The following ARIH2 variants were observed in gnomAD, a reference collection of about 807,000 sequenced individuals.
ARIH2 encodes ariadne RBR E3 ubiquitin protein ligase 2, also known as E3 ubiquitin-protein ligase ARIH2.
In ARIH2, 12 loss-of-function variants were observed where a neutral mutation model predicts 79.8. The ratio of observed to expected loss-of-function variants is 0.15; its 90% CI spans 0.10 to 0.24. The LOEUF (loss-of-function observed/expected upper bound fraction) is 0.24. Among genes scored for constraint, ARIH2 ranks in the 10% least tolerant of loss-of-function variants. The pLI is 1.00. For missense variants in ARIH2, 301 were observed against 618.3 expected (o/e 0.49, Z 5.44); for synonymous variants, 224 against 213.9 (o/e 1.05, Z -0.41).
chr3:48,983,260 ATGACACCTAAGT>A lies in ARIH2; in HGVS notation c.1475_*4del. On this transcript the variant is annotated stop_lost and 3_prime_UTR_variant, in exon 16 of 16. Coordinates refer to ENST00000356401, the MANE Select transcript of ARIH2 (RefSeq NM_006321.4). ...AGGAGAACCCTGCTGAAAGATTTCC[ATGACACCTAAGT>A]TGGGATGTGGATGTGCCGGGGTGAG... The A allele has an allele frequency of 6.2e-7, 1 of 1,614,174 alleles. No homozygotes were observed. The highest frequency in any genetic ancestry group is 2.2e-5 in the East Asian group (1 of 44,888).
intron 3 of ARIH2, among the ~76,000 whole-genome samples, chr3:48,935,204 C>G (rs2086943950): frequency 6.6e-6 from 1 of 152,198 alleles, no homozygotes; most frequent in Non-Finnish European, 1.5e-5. Flanking sequence ...TGTTATGTTC[C>G]TGTGCCAGGC....
intron 3 of ARIH2, among the ~76,000 whole-genome samples, chr3:48,953,551 C>G (rs1208173873): frequency 6.6e-6 from 1 of 151,990 alleles, no homozygotes; most frequent in Non-Finnish European, 1.5e-5. Context: ...CTACAGGTGC[C>G]TCACAACGCC....
In ARIH2 at chr3:48,967,293, C is replaced by T; in HGVS notation, c.538+18C>T. 1 of 1,609,050 alleles carries T rather than the reference C, an allele frequency of 6.2e-7. No individual in the cohort carries two copies. The highest frequency in any genetic ancestry group is 8.5e-7 in the Non-Finnish European group (1 of 1,177,108). On this transcript the variant is annotated intron_variant, in intron 6 of 15. Transcript: ENST00000356401. ...GGGCGTGGGTGAGTCTGCCACAAAA[C>T]TTATAAAAAGCTGGCATGAAGTGTT... is the stretch of plus-strand genomic sequence containing the variant.
At chr3:48,980,218 T>A in intron 12 of ARIH2, 135 bp from the exon 13 acceptor site, 1 of 862,222 alleles carries the variant, frequency 1.2e-6, no homozygotes, top group Non-Finnish European at 1.8e-6. Context: ...GAAGACCTGC[T>A]CTTGCACTTT....
At chr3:48,976,664 A>G (rs1190184004) in intron 11 of ARIH2, among the ~76,000 whole-genome samples, 1 of 152,192 alleles carries the variant, frequency 6.6e-6, no homozygotes, top group Non-Finnish European at 1.5e-5. Flanking sequence ...TATCAGAGAG[A>G]GAAGTGTATC....
At chr3:48,975,922 A>G (rs1310330835) in intron 11 of ARIH2, among the ~76,000 whole-genome samples, 1 of 132,616 alleles carries the variant, frequency 7.5e-6, no homozygotes, top group East Asian at 2.3e-4. Flanking sequence ...TCTTTTCTTT[A>G]TTTTTTGAGA....
At chr3:48,974,245 C>G (rs1348927819) in intron 9 of ARIH2, among the ~76,000 whole-genome samples, 1 of 152,142 alleles carries the variant, frequency 6.6e-6, no homozygotes, top group East Asian at 1.9e-4. Flanking sequence ...GGCCACTGTA[C>G]CCTTTGTCAG....
chr3:48,973,855 T>C (rs762929778), intron 9 of ARIH2, 39 bp downstream of exon 9: 5 of 1,465,474 alleles, frequency 3.4e-6, no homozygotes, highest in Non-Finnish European at 4.8e-6. Context: ...TTTGCCCTCC[T>C]TAGTGCTGCC....
In ARIH2 at chr3:48,953,305, T is replaced by G. The variant is rs563517755; in HGVS notation, c.256-8307T>G. Among the ~76,000 whole-genome samples, 433 of 152,364 alleles carry G rather than the reference T, an allele frequency of 2.8e-3. 4 individuals carry two copies. The highest frequency in any genetic ancestry group is 9.9e-3 in the African/African-American group (411 of 41,588). On this transcript the variant is annotated intron_variant, in intron 3 of 15. Transcript: ENST00000356401. ...AATTATGAGCCAAACTGAATTAAAA[T>G]CAGGAATAATCTGTGAATTTTTAAT... is the stretch of plus-strand genomic sequence containing the variant.
intron 3 of ARIH2, among the ~76,000 whole-genome samples, chr3:48,931,539 A>C (rs1022676924): frequency 2.7e-5 from 4 of 150,886 alleles, no homozygotes; most frequent in Non-Finnish European, 5.9e-5. Flanking sequence ...ACAGAGTGAG[A>C]CTCTGTCTCA....
intron 11 of ARIH2, 163 bp downstream of exon 11, chr3:48,975,142 T>G: frequency 8.1e-7 from 1 of 1,229,470 alleles, no homozygotes; most frequent in Non-Finnish European, 1.1e-6. Flanking sequence ...TTATTTTTAT[T>G]TTCTGTTTTT....
chr3:48,938,697 G>C (rs2087533759), intron 3 of ARIH2, among the ~76,000 whole-genome samples: 1 of 152,084 alleles, frequency 6.6e-6, no homozygotes, highest in South Asian at 2.1e-4. Context: ...GCACATGCAT[G>C]TTGTAAACTA....
intron 11 of ARIH2, among the ~76,000 whole-genome samples, chr3:48,978,984 T>G (rs900556955): frequency 6.6e-6 from 1 of 150,770 alleles, no homozygotes; most frequent in Non-Finnish European, 1.5e-5. Flanking sequence ...AAAAGAAAAA[T>G]AAGAAATGTG....
intron 2 of ARIH2, among the ~76,000 whole-genome samples, chr3:48,925,996 G>T (rs1038400960): frequency 3.5e-4 from 53 of 152,156 alleles, no homozygotes; most frequent in African/African-American, 1.2e-3. Context: ...GGGATTACAG[G>T]CGTGAGCCAC....
chr3:48,937,022 C>T (rs778915919), intron 3 of ARIH2, among the ~76,000 whole-genome samples: 1 of 150,146 alleles, frequency 6.7e-6, no homozygotes, highest in Admixed American at 6.6e-5. Flanking sequence ...AGCGAGACTC[C>T]GTCTCAAAAA....
intron 3 of ARIH2, among the ~76,000 whole-genome samples, chr3:48,930,089 A>G (rs1273510565): frequency 6.6e-6 from 1 of 152,114 alleles, no homozygotes; most frequent in African/African-American, 2.4e-5. Flanking sequence ...ATATGTTAAC[A>G]CCATTTACTT....
chr3:48,969,997 T>C (rs190235222), intron 7 of ARIH2, among the ~76,000 whole-genome samples: 3 of 151,908 alleles, frequency 2.0e-5, no homozygotes, highest in African/African-American at 7.2e-5. Context: ...TTCAAGCGAT[T>C]CTGCAGCCTC....
In ARIH2 at chr3:48,940,827, A is replaced by ATG. The variant is rs2088062780; in HGVS notation, c.255+13015_255+13016insGT. ...AAAAAAAATATATATATATATATAT[A>ATG]TAGCCACATACATGGCAGGAGTATG... is the stretch of plus-strand genomic sequence containing the variant. On this transcript the variant is annotated intron_variant, in intron 3 of 15. Coordinates refer to ENST00000356401, the MANE Select transcript of ARIH2 (RefSeq NM_006321.4). 2.1e-5 allele frequency among the ~76,000 whole-genome samples: 3 copies of ATG among 142,750 alleles called. No homozygotes were observed. The South Asian group carries it at 6.6e-4, about 31-fold the overall frequency. 93.6% of individuals were successfully genotyped at this position (142,750 alleles called of 152,430 possible). A position where few individuals can be genotyped will look rare whatever the true frequency, so the allele number is the denominator to read the frequency against.
chr3:48,929,766 T>C (rs940794335), intron 3 of ARIH2, among the ~76,000 whole-genome samples: 2 of 152,192 alleles, frequency 1.3e-5, no homozygotes, highest in Non-Finnish European at 2.9e-5. Flanking sequence ...GAATAATTGC[T>C]TGGATACTTG....
Sources: gnomAD v4.1 joint callset for allele counts (sites outside exome capture counted in the v4.1 genomes callset) on GRCh38, gnomAD v4.1.1 for gene constraint, MANE v1.5 for transcripts, NCBI Gene and HGNC (gene_info 2026-07-23, HGNC 2026-07-21) for gene names.